FAM171A1: variants seen among roughly 807,000 people sequenced by gnomAD.
FAM171A1 encodes the protein protein FAM171A1.
In FAM171A1, 23 loss-of-function variants were observed where a neutral mutation model predicts 74.9. That is an observed-to-expected ratio of 0.31 (90% CI 0.22 to 0.44). The LOEUF is 0.44. FAM171A1 is among the 20% of genes least tolerant of loss of function. FAM171A1 has a pLI of 1.00. For synonymous variants in FAM171A1, 527 were observed against 505.7 expected (o/e 1.04, Z -0.57); for missense variants, 1,162 against 1,159.2 (o/e 1.00, Z -0.03).
chr10:15,252,227 GA>G (rs1201317997), intron 4 of FAM171A1, among the ~76,000 whole-genome samples: 2 of 152,170 alleles, frequency 1.3e-5, no homozygotes, highest in Non-Finnish European at 2.9e-5. Flanking sequence ...CCAAGAGCTA[GA>G]AAGAGAAGAT....
intron 1 of FAM171A1, among the ~76,000 whole-genome samples, chr10:15,335,364 T>C (rs1835689046): frequency 6.6e-6 from 1 of 152,248 alleles, no homozygotes; most frequent in African/African-American, 2.4e-5. Context: ...ATTTTAACAG[T>C]GTTCTCATTA....
At chr10:15,367,644 T>C (rs1414907149) in intron 1 of FAM171A1, among the ~76,000 whole-genome samples, 8 of 152,238 alleles carry the variant, frequency 5.3e-5, no homozygotes. Context: ...ATAACTGAAG[T>C]TTGAGTTTGG....
chr10:15,288,614 T>C (rs954549589), intron 1 of FAM171A1, among the ~76,000 whole-genome samples: 6 of 152,092 alleles, frequency 3.9e-5, no homozygotes, highest in African/African-American at 1.4e-4. Context: ...CTGCTGAGAT[T>C]TGAGGGAAAA....
In FAM171A1 at chr10:15,214,433, G is replaced by A. The variant is rs143895945; in HGVS notation, c.1155C>T (p.Pro385=). ...TCAGTTCCTTCGTGCCGGGGGCCTC[G>A]GGGCGGCCGTGGCTGGTGACGGACA... The part of the protein sequence containing the change: ...GPLSVTSHGR[P]EAPGTKELMS... The change falls in exon 8 of 8, where the codon CCC becomes CCT. Residue 385 remains proline (P), a synonymous_variant. Transcript: ENST00000378116. The A allele has an allele frequency of 2.4e-5, 38 of 1,613,978 alleles. No individual in the cohort carries two copies. The African/African-American group carries it at 2.8e-4, about 12-fold the overall frequency.
intron 5 of FAM171A1, among the ~76,000 whole-genome samples, chr10:15,236,285 C>CAAAAA (rs369050654): frequency 7.3e-6 from 1 of 137,062 alleles, no homozygotes; most frequent in Admixed American, 7.3e-5. Flanking sequence ...ATCATGCTTC[C>CAAAAA]AAAAAAAAAA....
At chr10:15,269,344 C>T (rs1352378980) in intron 3 of FAM171A1, among the ~76,000 whole-genome samples, 1 of 151,772 alleles carries the variant, frequency 6.6e-6, no homozygotes, top group South Asian at 2.1e-4. Flanking sequence ...ATCTTGAATG[C>T]CTGGTCTCAA....
rs1020229457 is a variant in FAM171A1 at position 15,345,340 on chromosome 10, T to G, written c.97+25616A>C. Among the ~76,000 whole-genome samples the G allele has an allele frequency of 3.3e-5, 5 of 152,320 alleles. 1 individual carries two copies. The highest frequency in any genetic ancestry group is 1.3e-4 in the Admixed American group (2 of 15,304). On this transcript the variant is annotated intron_variant, in intron 1 of 7. Coordinates refer to ENST00000378116, the MANE Select transcript of FAM171A1 (RefSeq NM_001010924.2). Reference sequence around the variant, plus strand: ...GGACCCTCAGTGCCTAGAACAGGGCTTGGATCACTGTGCCGTTCCATAAAT... The same window carrying G: ...GGACCCTCAGTGCCTAGAACAGGGCGTGGATCACTGTGCCGTTCCATAAAT...
At chr10:15,221,121 G>A (rs1834034393) in intron 5 of FAM171A1, 61 bp from the exon 6 acceptor site, 1 of 1,389,756 alleles carries the variant, frequency 7.2e-7, no homozygotes, top group Non-Finnish European at 1.0e-6. Flanking sequence ...TAAGGCTTGA[G>A]CATATTGTAA....
intron 3 of FAM171A1, among the ~76,000 whole-genome samples, chr10:15,264,363 C>T (rs1361534554): frequency 1.3e-5 from 2 of 151,846 alleles, no homozygotes; most frequent in African/African-American, 2.4e-5. Flanking sequence ...CAAAACTGGC[C>T]GGGCATAGTG....
rs189339326 is a variant in FAM171A1 at position 15,276,861 on chromosome 10, T to G, written c.326-914A>C. Among the ~76,000 whole-genome samples, 386 of 152,172 alleles carry G rather than the reference T, an allele frequency of 2.5e-3. 3 individuals are homozygous for G. The highest frequency in any genetic ancestry group is 9.0e-3 in the African/African-American group (373 of 41,510). On this transcript the variant is annotated intron_variant, in intron 2 of 7. Coordinates refer to ENST00000378116, the MANE Select transcript of FAM171A1 (RefSeq NM_001010924.2). ...CACTGCACCCAGCTAATTTTCAAAA[T>G]TTTTTGTAGAGACAGGGTCTCCATA...
intron 1 of FAM171A1, among the ~76,000 whole-genome samples, chr10:15,320,147 C>T (rs916536252): frequency 6.6e-6 from 1 of 152,128 alleles, no homozygotes; most frequent in Non-Finnish European, 1.5e-5. Context: ...CTCAAGTAGG[C>T]CCCGGTGTCT....
At chr10:15,309,913 G>A (rs1398884619) in intron 1 of FAM171A1, among the ~76,000 whole-genome samples, 1 of 152,162 alleles carries the variant, frequency 6.6e-6, no homozygotes, top group Non-Finnish European at 1.5e-5. Flanking sequence ...GTTCAGTTAG[G>A]AGGAAAGAAC....
rs1187052452 is a variant in FAM171A1, at chr10:15,370,895, G to GCCGCCT, written c.97+55_97+60dup. 3.6e-6 allele frequency: 3 copies of GCCGCCT among 842,914 alleles called. No individual in the cohort carries two copies. The African/African-American group carries it at 5.6e-5, about 16-fold the overall frequency. The allele number at this position is 842,914 out of a possible 1,614,324, so 52.2% of individuals were successfully genotyped here. A position where few individuals can be genotyped will look rare whatever the true frequency, so the allele number is the denominator to read the frequency against. On this transcript the variant is annotated intron_variant, in intron 1 of 7. Transcript: ENST00000378116. ...CCCTCCCGCCGCCGCCGCCGCCGCC[G>GCCGCCT]CCGCCTCCGCGCCAGGCCCGGCGCG...
intron 3 of FAM171A1, among the ~76,000 whole-genome samples, chr10:15,261,075 C>T (rs779315724): frequency 1.3e-4 from 20 of 152,186 alleles, no homozygotes; most frequent in Non-Finnish European, 2.4e-4. Context: ...CTGTGTCTTC[C>T]GCTGTCTCTC....
chr10:15,255,863 G>A lies in FAM171A1; in HGVS notation c.419-984C>T, dbSNP rs1228273532. Reference sequence around the variant, plus strand: ...GGGTTTCACCATGTTGGCCAGGCTGGTCTTGAACTCCTGACCTCAGGTGAT... The same window carrying A: ...GGGTTTCACCATGTTGGCCAGGCTGATCTTGAACTCCTGACCTCAGGTGAT... On this transcript the variant is annotated intron_variant, in intron 3 of 7. Coordinates refer to ENST00000378116, the MANE Select transcript of FAM171A1 (RefSeq NM_001010924.2). Among the ~76,000 whole-genome samples, 7 of 150,374 alleles carry A rather than the reference G, an allele frequency of 4.7e-5. No homozygotes were observed. The South Asian group carries it at 6.4e-4, about 14-fold the overall frequency.
chr10:15,304,350 GC>G (rs1158894662), intron 1 of FAM171A1, among the ~76,000 whole-genome samples: 1 of 152,106 alleles, frequency 6.6e-6, no homozygotes, highest in Non-Finnish European at 1.5e-5. Context: ...TGCTCGGTGA[GC>G]ATGACTTTCA....
chr10:15,331,834 T>TAC (rs1835636793), intron 1 of FAM171A1, among the ~76,000 whole-genome samples: 1 of 125,094 alleles, frequency 8.0e-6, no homozygotes, highest in South Asian at 2.9e-4. Flanking sequence ...TATGTGTGTA[T>TAC]ATATATGTGT....
chr10:15,326,068 C>A (rs1174990246), intron 1 of FAM171A1, among the ~76,000 whole-genome samples: 2 of 152,164 alleles, frequency 1.3e-5, no homozygotes, highest in African/African-American at 4.8e-5. Flanking sequence ...GAAATATAAT[C>A]ATTTTCCTCT....
intron 1 of FAM171A1, among the ~76,000 whole-genome samples, chr10:15,314,352 A>T (rs1383096878): frequency 1.3e-5 from 2 of 152,202 alleles, no homozygotes; most frequent in Non-Finnish European, 1.5e-5. Flanking sequence ...TCTCAAACAC[A>T]GTAGACCCCA....
Sources: allele counts gnomAD v4.1 joint callset (sites outside exome capture counted in the v4.1 genomes callset), GRCh38; gene constraint gnomAD v4.1.1; transcripts MANE v1.5; gene names NCBI Gene and HGNC (gene_info 2026-07-23, HGNC 2026-07-21).